CUX1: variants seen among roughly 807,000 people sequenced by gnomAD.
CUX1 encodes protein CASP.
CUX1 carries 31 observed loss-of-function variants against 158.8 expected under a neutral mutation model. The observed-to-expected ratio is 0.20, with a 90% CI of 0.15 to 0.26. The LOEUF (loss-of-function observed/expected upper bound fraction) is 0.26, where lower values mean the gene tolerates loss of function less well. Among genes scored for constraint, CUX1 ranks in the 10% least tolerant of loss-of-function variants. CUX1 has a pLI of 1.00. For synonymous variants in CUX1, 879 were observed against 862.1 expected (o/e 1.02, Z -0.34); for missense variants, 1,589 against 2,014.6 (o/e 0.79, Z 4.04).
intron 5 of CUX1, among the ~76,000 whole-genome samples, chr7:102,102,047 A>G (rs1554486606): frequency 6.6e-6 from 1 of 152,008 alleles, no homozygotes; most frequent in African/African-American, 2.4e-5. Context: ...CTCTTGCCTC[A>G]CTTTGGCCTC....
chr7:102,044,380 G>A (rs141934009), intron 3 of CUX1, among the ~76,000 whole-genome samples: 9,620 of 151,572 alleles, frequency 0.063, 952 homozygotes, highest in African/African-American at 0.22. Context: ...AGTAGAGATG[G>A]GGTTTCACTA....
chr7:101,843,109 G>A (rs562006296), intron 1 of CUX1, among the ~76,000 whole-genome samples: 18 of 150,778 alleles, frequency 1.2e-4, no homozygotes, highest in African/African-American at 3.7e-4. Context: ...CTCATGATCC[G>A]CCCATCTCAG....
intron 2 of CUX1, among the ~76,000 whole-genome samples, chr7:101,940,295 A>G (rs1201846765): frequency 3.9e-5 from 6 of 151,942 alleles, no homozygotes; most frequent in Non-Finnish European, 1.5e-5. Flanking sequence ...TCAGTTTCCA[A>G]TCTGGTGTCA....
chr7:102,062,499 C>T lies in CUX1; in HGVS notation c.190-7840C>T, dbSNP rs553526634. 2.1e-4 allele frequency among the ~76,000 whole-genome samples: 32 copies of T among 152,268 alleles called. 1 individual carries two copies. The South Asian group carries it at 5.6e-3, about 27-fold the overall frequency. Reference sequence around the variant, plus strand: ...TTGAGAGCTAGATTAAAATACCTTCCTATAGACATTTGTCTTTCTCTTATT... The same window carrying T: ...TTGAGAGCTAGATTAAAATACCTTCTTATAGACATTTGTCTTTCTCTTATT... On this transcript the variant is annotated intron_variant, in intron 3 of 23. Coordinates refer to ENST00000292535, the MANE Select transcript of CUX1 (RefSeq NM_181552.4).
chr7:101,903,914 C>T (rs1190301384), intron 1 of CUX1, among the ~76,000 whole-genome samples: 1 of 152,094 alleles, frequency 6.6e-6, no homozygotes, highest in African/African-American at 2.4e-5. Context: ...AAACTTTGTA[C>T]GCGTAGCTTT....
intron 2 of CUX1, among the ~76,000 whole-genome samples, chr7:101,928,675 C>CT (rs1238707886): frequency 1.8e-3 from 242 of 131,450 alleles, no homozygotes; most frequent in South Asian, 4.7e-3. Flanking sequence ...CACAAATGGA[C>CT]TTTTTTTTTT....
intron 2 of CUX1, among the ~76,000 whole-genome samples, chr7:102,012,028 A>T (rs1818095089): frequency 6.6e-6 from 1 of 151,364 alleles, no homozygotes. Context: ...ATGCTGGTTG[A>T]CGCTTGAATT....
chr7:102,243,535 C>T (rs1450559686), intron 23 of CUX1, among the ~76,000 whole-genome samples: 20 of 151,590 alleles, frequency 1.3e-4, no homozygotes, highest in Admixed American at 6.6e-4. Flanking sequence ...CACAGTGGCT[C>T]ATGCCTGGAA....
chr7:102,252,678 T>C lies in CUX1; in HGVS notation c.*3636T>C. 3.0e-6 allele frequency: 3 copies of C among 985,414 alleles called. No individual in the cohort carries two copies. Among genetic ancestry groups the C allele is most frequent in the Non-Finnish European group, 3.6e-6 (3 of 829,944 alleles). 61.0% of individuals were successfully genotyped at this position (985,414 alleles called of 1,614,324 possible). A position where few individuals can be genotyped will look rare whatever the true frequency, so the allele number is the denominator to read the frequency against. On this transcript the variant is annotated 3_prime_UTR_variant, in exon 24 of 24. Transcript: ENST00000292535. ...CGAGATGGCAGGTGTGTGAGTTCTG[T>C]CCTAGACCTGTGCCCAACTCACTTC...
At chr7:102,186,590 TA>T (rs57753097) in intron 11 of CUX1, among the ~76,000 whole-genome samples, 4,288 of 138,720 alleles carry the variant, frequency 0.031, 95 homozygotes, top group Non-Finnish European at 0.046. Context: ...TATATATATA[TA>T]TATATTTTTT....
At chr7:102,102,005 A>G (rs1554486590) in intron 5 of CUX1, among the ~76,000 whole-genome samples, 1 of 151,880 alleles carries the variant, frequency 6.6e-6, no homozygotes, top group Non-Finnish European at 1.5e-5. Flanking sequence ...TTCAGAGCTG[A>G]CCTGTCTGGA....
chr7:101,847,503 G>A lies in CUX1; in HGVS notation c.30+29834G>A, dbSNP rs552726933. On this transcript the variant is annotated intron_variant, in intron 1 of 23. Coordinates refer to ENST00000292535, the MANE Select transcript of CUX1 (RefSeq NM_181552.4). ...TCTTAGCTGTGTGACTTTGGGCACT[G>A]CTGAACCTGCTTCCTCCGTGAAACA... Among the ~76,000 whole-genome samples, 9 of 152,278 alleles carry A rather than the reference G, an allele frequency of 5.9e-5. No individual in the cohort carries two copies. The South Asian group carries it at 1.9e-3, about 32-fold the overall frequency.
intron 1 of CUX1, among the ~76,000 whole-genome samples, chr7:101,870,715 A>G (rs144166815): frequency 2.0e-5 from 3 of 152,198 alleles, no homozygotes; most frequent in Non-Finnish European, 2.9e-5. Flanking sequence ...GCGGCAAACA[A>G]CCTTAAGTGG....
chr7:101,964,279 G>T (rs1810867554), intron 2 of CUX1, among the ~76,000 whole-genome samples: 1 of 152,038 alleles, frequency 6.6e-6, no homozygotes, highest in Admixed American at 6.6e-5. Context: ...CTTGAACCTG[G>T]GGGGCGGAGG....
At chr7:102,239,655 T>G in intron 23 of CUX1, 71 bp downstream of exon 23, 1 of 1,536,896 alleles carries the variant, frequency 6.5e-7, no homozygotes, top group Non-Finnish European at 8.8e-7. Flanking sequence ...GAGGCCGCCA[T>G]GGCGCACAGG....
At position 101,995,940 on chromosome 7, in the gene CUX1, C is replaced by A. The variant is rs549787244; in HGVS notation, c.142-32158C>A. On this transcript the variant is annotated intron_variant, in intron 2 of 23. Transcript: ENST00000292535. ...CCAGCCTGGGTAAAATGTAGAAACTCCATCTCTCCTAAAAATACAAAAATT... is the reference window on the plus strand; with the variant it reads ...CCAGCCTGGGTAAAATGTAGAAACTACATCTCTCCTAAAAATACAAAAATT... Among the ~76,000 whole-genome samples, 314 of 152,212 alleles carry A rather than the reference C, an allele frequency of 2.1e-3. 1 individual carries two copies. Among genetic ancestry groups the A allele is most frequent in the African/African-American group, 7.1e-3 (296 of 41,526 alleles).
intron 2 of CUX1, among the ~76,000 whole-genome samples, chr7:101,986,229 T>C (rs966079514): frequency 8.5e-5 from 13 of 152,320 alleles, no homozygotes; most frequent in African/African-American, 3.1e-4. Context: ...TGGGGTCGGA[T>C]CTTCATATTT....
Position 102,189,904 on chromosome 7 carries a change from G to C in CUX1, c.1076+33G>C, listed in dbSNP as rs782066222. ...CGGAGAGCCCTGTGGCCCCTCACAC[G>C]CTGGGGCGCATTAGGGCCATCTGCT... On this transcript the variant is annotated intron_variant, in intron 12 of 23. Coordinates refer to ENST00000292535, the MANE Select transcript of CUX1 (RefSeq NM_181552.4). 4.4e-6 allele frequency: 7 copies of C among 1,607,990 alleles called. No individual in the cohort carries two copies. The South Asian group carries it at 7.7e-5, about 18-fold the overall frequency.
At position 102,256,441 on chromosome 7, in the gene CUX1, C is replaced by T; in HGVS notation, c.*7399C>T. On this transcript the variant is annotated 3_prime_UTR_variant, in exon 24 of 24. Transcript: ENST00000292535. ...CTTTTTGCTGTCACTCTAGTGGTTA[C>T]TATCCTCTGCCTTCCTCTCCTCCCC... 1.0e-6 allele frequency: 1 copy of T among 985,330 alleles called. No individual in the cohort carries two copies. Among genetic ancestry groups the T allele is most frequent in the Non-Finnish European group, 1.2e-6 (1 of 829,920 alleles). 61.0% of individuals were successfully genotyped at this position (985,330 alleles called of 1,614,324 possible). A position where few individuals can be genotyped will look rare whatever the true frequency, so the allele number is the denominator to read the frequency against.
Sources: allele counts gnomAD v4.1 joint callset (sites outside exome capture counted in the v4.1 genomes callset), GRCh38; gene constraint gnomAD v4.1.1; transcripts MANE v1.5; gene names NCBI Gene and HGNC (gene_info 2026-07-23, HGNC 2026-07-21).